Variants in SH3TC1 observed in about 807,000 individuals in gnomAD.
SH3TC1 encodes the protein SH3 domain and tetratricopeptide repeats 1, also known as SH3 domain and tetratricopeptide repeat-containing protein 1.
In SH3TC1, 135 loss-of-function variants were observed where a neutral mutation model predicts 117.3. The observed-to-expected ratio is 1.15, with a 90% CI of 1.00 to 1.33. SH3TC1 has a LOEUF of 1.33. Among genes scored for constraint, SH3TC1 ranks in the 40% most tolerant of loss-of-function variants. The pLI is 0.00. For synonymous variants in SH3TC1, 898 were observed against 816.9 expected, an observed-to-expected ratio of 1.10 and a Z score of -1.69; for missense variants, 2,092 against 1,794.3, an observed-to-expected ratio of 1.17 and a Z score of -3.00.
intron 4 of SH3TC1, among the ~76,000 whole-genome samples, chr4:8,213,715 T>C (rs966130744): frequency 6.6e-6 from 1 of 151,996 alleles, no homozygotes; most frequent in African/African-American, 2.4e-5. Flanking sequence ...TTCAGCAACA[T>C]AGGGAGACCT....
intron 10 of SH3TC1, among the ~76,000 whole-genome samples, 182 bp downstream of exon 10, chr4:8,223,152 G>C (rs1720109560): frequency 6.6e-6 from 1 of 152,226 alleles, no homozygotes; most frequent in South Asian, 2.1e-4. Context: ...GAGAGAGGAT[G>C]GGTGAGGAGC....
At chr4:8,226,132 A>T (rs1400933632) in intron 11 of SH3TC1, among the ~76,000 whole-genome samples, 1 of 152,220 alleles carries the variant, frequency 6.6e-6, no homozygotes, top group Non-Finnish European at 1.5e-5. Flanking sequence ...GTGAGCTTGA[A>T]ACAGAGAGTC....
At chr4:8,185,271 G>A (rs1404168608) in intron 1 of SH3TC1, among the ~76,000 whole-genome samples, 2 of 152,018 alleles carry the variant, frequency 1.3e-5, no homozygotes, top group Non-Finnish European at 2.9e-5. Flanking sequence ...GGGATGCGGA[G>A]GTTGTGGGGA....
chr4:8,197,863 C>G (rs1012311759), upstream of SH3TC1, among the ~76,000 whole-genome samples: 3 of 152,168 alleles, frequency 2.0e-5, no homozygotes, highest in African/African-American at 7.2e-5. Flanking sequence ...CTGGGCAGAG[C>G]CTGTGATTAG....
At chr4:8,189,552 G>A (rs2152974376) in intron 1 of SH3TC1, among the ~76,000 whole-genome samples, 1 of 152,358 alleles carries the variant, frequency 6.6e-6, no homozygotes, top group Non-Finnish European at 1.5e-5. Context: ...CGCCAGGGGT[G>A]GGAGAGGGGA....
Position 8,237,519 on chromosome 4 carries a change from T to C in SH3TC1, c.3602T>C (p.Leu1201Pro). The C allele has an allele frequency of 6.2e-7, 1 of 1,606,524 alleles. No individual in the cohort carries two copies. Among genetic ancestry groups the C allele is most frequent in the Non-Finnish European group, 8.5e-7 (1 of 1,177,168 alleles). The change falls in exon 17 of 18, where the codon CTG becomes CCG. Residue 1201 changes from leucine (L) to proline (P), a missense_variant. Physicochemically the swap from Leu to Pro is moderately conservative, Grantham distance 98. Transcript: ENST00000245105. ...GTGGCCTACCACCGGCTGGCCGCCC[T>C]GCAACACCGACTGGGCCATGGCGAG... is the stretch of plus-strand genomic sequence containing the variant. The part of the protein sequence containing the change: ...ERVAYHRLAA[L>P]QHRLGHGELA...
In SH3TC1 at chr4:8,233,350, T is replaced by C; in HGVS notation, c.3132-13T>C. 6.3e-7 allele frequency: 1 copy of C among 1,597,858 alleles called. No individual in the cohort carries two copies. Among genetic ancestry groups the C allele is most frequent in the Non-Finnish European group, 8.5e-7 (1 of 1,171,346 alleles). Reference sequence around the variant, plus strand: ...ATGACAGCCCTTGTTCTGACACCTGTGTCTGATACCAGGGCCTACAAATCC... The same window carrying C: ...ATGACAGCCCTTGTTCTGACACCTGCGTCTGATACCAGGGCCTACAAATCC... On this transcript the variant is annotated splice_polypyrimidine_tract_variant and intron_variant, in intron 13 of 17. Transcript: ENST00000245105.
intron 5 of SH3TC1, among the ~76,000 whole-genome samples, chr4:8,215,496 G>T (rs973022218): frequency 4.6e-5 from 7 of 151,988 alleles, no homozygotes; most frequent in African/African-American, 4.8e-5. Context: ...TGGCCATTGT[G>T]GGGGGATGTC....
In SH3TC1 at chr4:8,216,845, G is replaced by T. The variant is rs567209707; in HGVS notation, c.629-112G>T. On this transcript the variant is annotated intron_variant, in intron 6 of 17. Coordinates refer to ENST00000245105, the MANE Select transcript of SH3TC1 (RefSeq NM_018986.5). ...TCTCTGTGCCTGCAGACACTGGGGG[G>T]GCCGCTCCTGTGGGTGTTGCCTTCG... The T allele has an allele frequency of 8.2e-6, 9 of 1,091,610 alleles. No individual in the cohort carries two copies. The African/African-American group carries it at 9.3e-5, about 11-fold the overall frequency. The allele number at this position is 1,091,610 out of a possible 1,614,324, so 67.6% of individuals were successfully genotyped here.
intron 4 of SH3TC1, 139 bp downstream of exon 4, chr4:8,212,967 G>T: frequency 8.3e-7 from 1 of 1,211,906 alleles, no homozygotes; most frequent in Non-Finnish European, 1.1e-6. Flanking sequence ...TGGTGGCCTT[G>T]GAGGGGCGGC....
At position 8,235,550 on chromosome 4, in the gene SH3TC1, T is replaced by C. The variant is rs1417237436; in HGVS notation, c.3400T>C (p.Tyr1134His). The C allele has an allele frequency of 6.3e-7, 1 of 1,596,598 alleles. No individual in the cohort carries two copies. The highest frequency in any genetic ancestry group is 1.7e-5 in the Admixed American group (1 of 57,550). ...AWEREKAVSF[Y>H]RDRALPLAVT... ...GGAGCGGGAGAAAGCTGTGTCCTTC[T>C]ACCGGGTGAGCTGGCCTGTGGGCTG... The change falls in exon 15 of 18, where the codon TAC becomes CAC. Residue 1134 changes from tyrosine (Y) to histidine (H), a missense_variant. Physicochemically the swap from Tyr to His is moderately conservative, Grantham distance 83. Transcript: ENST00000245105.
chr4:8,192,075 G>A lies in SH3TC1; in HGVS notation c.-57+9865G>A, dbSNP rs1484789398. ...CGCGATCTCGGCTCACTGCCACCTC[G>A]GCCTCCCAGGTTCAAGTGATTCTCT... On this transcript the variant is annotated intron_variant, in intron 1 of 16. Coordinates refer to the SH3TC1 transcript ENST00000508641. The surrounding 1 kb of genome is among the most constrained non-coding windows in gnomAD (Gnocchi z 4.1). 2.0e-5 allele frequency among the ~76,000 whole-genome samples: 3 copies of A among 151,004 alleles called. No individual in the cohort carries two copies. Among genetic ancestry groups the A allele is most frequent in the Admixed American group, 1.3e-4 (2 of 15,172 alleles).
At chr4:8,204,566 G>T (rs114640235) in intron 1 of SH3TC1, among the ~76,000 whole-genome samples, 7 of 152,208 alleles carry the variant, frequency 4.6e-5, no homozygotes, top group African/African-American at 1.2e-4. Context: ...GGGACAGCAG[G>T]GTTCTGACTA....
chr4:8,191,308 G>C (rs942774049), intron 1 of SH3TC1, among the ~76,000 whole-genome samples: 2 of 152,294 alleles, frequency 1.3e-5, no homozygotes, highest in South Asian at 4.1e-4. Flanking sequence ...CGGCCAGTTC[G>C]GGGGTGGGTG....
chr4:8,213,888 G>GAAA (rs57544974), intron 4 of SH3TC1, among the ~76,000 whole-genome samples: 1 of 140,698 alleles, frequency 7.1e-6, no homozygotes, highest in Non-Finnish European at 1.5e-5. Context: ...CTCATCTCTG[G>GAAA]AAAAAAAAAA....
intron 1 of SH3TC1, among the ~76,000 whole-genome samples, chr4:8,188,013 G>A (rs56363481): frequency 6.6e-6 from 1 of 152,104 alleles, no homozygotes; most frequent in Non-Finnish European, 1.5e-5. Context: ...TTTAACTATT[G>A]GTCGGTTGAT....
At chr4:8,194,575 C>T (rs1717504519), upstream of SH3TC1, among the ~76,000 whole-genome samples, 1 of 152,186 alleles carries the variant, frequency 6.6e-6, no homozygotes, top group Non-Finnish European at 1.5e-5. Flanking sequence ...AGCAGCTTCC[C>T]AGCCCGGAGC....
chr4:8,233,630 C>T, intron 14 of SH3TC1, 117 bp downstream of exon 14: 2 of 1,249,382 alleles, frequency 1.6e-6, no homozygotes, highest in Non-Finnish European at 2.1e-6. Context: ...ACCTGTTCAT[C>T]CTTCCTTCCA....
chr4:8,194,900 A>G (rs1055141056), upstream of SH3TC1, among the ~76,000 whole-genome samples: 5 of 152,060 alleles, frequency 3.3e-5, no homozygotes, highest in African/African-American at 4.8e-5. Flanking sequence ...CGGCTGCTCC[A>G]CTCACACCTT....
Sources: allele counts gnomAD v4.1 joint callset (sites outside exome capture counted in the v4.1 genomes callset), GRCh38; gene constraint gnomAD v4.1.1; non-coding constraint Gnocchi (gnomAD v3.1); transcripts MANE v1.5; gene names NCBI Gene and HGNC (gene_info 2026-07-23, HGNC 2026-07-21).